CENPE: variants seen among roughly 807,000 people sequenced by gnomAD.
CENPE encodes centromere protein E, also known as centromere-associated protein E.
A neutral mutation model predicts 336.1 loss-of-function variants in CENPE; 145 were observed. The ratio of observed to expected loss-of-function variants is 0.43; its 90% CI spans 0.38 to 0.50. The LOEUF is 0.50. CENPE is among the 20% of genes least tolerant of loss of function. CENPE has a pLI of 0.00. For synonymous variants in CENPE, 1,013 were observed against 984.8 expected (o/e 1.03, Z -0.54); for missense variants, 2,719 against 3,023.3 (o/e 0.90, Z 2.36).
intron 8 of CENPE, among the ~76,000 whole-genome samples, chr4:103,192,416 C>T (rs1297145003): frequency 6.6e-6 from 1 of 152,080 alleles, no homozygotes; most frequent in African/African-American, 2.4e-5. Flanking sequence ...CCAAATCTTG[C>T]CCCAGGAAGT....
At chr4:103,126,561 AAC>A (rs1491198013) in intron 42 of CENPE, among the ~76,000 whole-genome samples, 1 of 152,236 alleles carries the variant, frequency 6.6e-6, no homozygotes, top group Non-Finnish European at 1.5e-5. Context: ...GAGGGCAAAA[AAC>A]ACAGTTTGAA....
intron 14 of CENPE, 38 bp downstream of exon 14, chr4:103,176,861 T>C (rs1348859907): frequency 6.7e-7 from 1 of 1,481,884 alleles, no homozygotes; most frequent in South Asian, 1.3e-5. Flanking sequence ...AGGATGCTTT[T>C]ATAATTAAAC....
At chr4:103,189,191 C>T (rs1238311036) in intron 8 of CENPE, among the ~76,000 whole-genome samples, 2 of 152,110 alleles carry the variant, frequency 1.3e-5, no homozygotes, top group Non-Finnish European at 2.9e-5. Context: ...GATGGATTCA[C>T]AGCCGAATTC....
intron 45 of CENPE, among the ~76,000 whole-genome samples, chr4:103,115,171 T>G (rs1315504603): frequency 6.6e-6 from 1 of 152,048 alleles, no homozygotes; most frequent in Non-Finnish European, 1.5e-5. Context: ...CTTGGTCTTG[T>G]CCCCCAGGCT....
intron 26 of CENPE, among the ~76,000 whole-genome samples, chr4:103,150,905 T>C (rs1010346407): frequency 6.6e-6 from 1 of 152,212 alleles, no homozygotes; most frequent in African/African-American, 2.4e-5. Flanking sequence ...TGTTGACTAA[T>C]ATATCTCAAG....
chr4:103,185,683 TA>T, intron 9 of CENPE, 126 bp downstream of exon 9: 1 of 524,006 alleles, frequency 1.9e-6, no homozygotes, highest in Non-Finnish European at 3.3e-6. Flanking sequence ...AAATCACAAT[TA>T]ATGATTCATT....
chr4:103,159,160 T>C lies in CENPE; in HGVS notation c.2451A>G (p.Gln817=). ...GAAGGGTTTTGAAATTTTGGAATTC[T>C]TGATCAGTGCTTTTATAATTCGACT... ...TTQSNYKSTD[Q]EFQNFKTLHM... is the part of the protein sequence containing the mutation. The change falls in exon 22 of 49, where the codon CAA becomes CAG. Residue 817 remains glutamine (Q), a synonymous_variant. Coordinates refer to ENST00000265148, the MANE Select transcript of CENPE (RefSeq NM_001813.3). 1 of 1,611,308 alleles carries C rather than the reference T, an allele frequency of 6.2e-7. No individual in the cohort carries two copies. Among genetic ancestry groups the C allele is most frequent in the Non-Finnish European group, 8.5e-7 (1 of 1,178,898 alleles).
chr4:103,183,604 TC>T (rs998665397), intron 9 of CENPE, among the ~76,000 whole-genome samples: 1 of 152,196 alleles, frequency 6.6e-6, no homozygotes, highest in Admixed American at 6.5e-5. Context: ...TCAATTTTTT[TC>T]CAACATCTAA....
chr4:103,158,279 C>A, intron 24 of CENPE, 21 bp downstream of exon 24: 1 of 1,572,440 alleles, frequency 6.4e-7, no homozygotes, highest in Non-Finnish European at 8.6e-7. Flanking sequence ...TATGAAAACT[C>A]TGAAAATAAA....
At chr4:103,128,046 G>GATTA (rs1751278006) in intron 42 of CENPE, among the ~76,000 whole-genome samples, 2 of 151,804 alleles carry the variant, frequency 1.3e-5, no homozygotes, top group African/African-American at 4.8e-5. Context: ...TTCAATATAA[G>GATTA]GACACATAGA....
At chr4:103,139,405 C>A (rs1358833028) in intron 38 of CENPE, among the ~76,000 whole-genome samples, 1 of 151,774 alleles carries the variant, frequency 6.6e-6, no homozygotes, top group East Asian at 1.9e-4. Context: ...TTAACTTCAC[C>A]AATAAGAGCC....
intron 8 of CENPE, among the ~76,000 whole-genome samples, chr4:103,190,336 T>A (rs1007027010): frequency 6.6e-6 from 1 of 152,122 alleles, no homozygotes; most frequent in Non-Finnish European, 1.5e-5. Context: ...CATTGCCAAG[T>A]CAATCCTAAG....
intron 45 of CENPE, 135 bp downstream of exon 45, chr4:103,116,442 G>A (rs1750118727): frequency 4.0e-6 from 2 of 503,510 alleles, no homozygotes; most frequent in African/African-American, 2.0e-5. Flanking sequence ...CTATGGATGT[G>A]TACATTTTTA....
chr4:103,174,818 T>C lies in CENPE; in HGVS notation c.1565A>G (p.Glu522Gly). The C allele has an allele frequency of 6.4e-7, 1 of 1,551,032 alleles. No individual in the cohort carries two copies. The change falls in exon 16 of 49, where the codon GAA becomes GGA. Residue 522 changes from glutamate to glycine, a missense_variant. Glu to Gly is a moderately conservative substitution (Grantham distance 98). This residue lies in a region of CENPE where 2,437 missense variants were observed against 2,513.3 expected (regional missense o/e 0.97). Coordinates refer to ENST00000265148, the MANE Select transcript of CENPE (RefSeq NM_001813.3). The part of the protein sequence containing the change: ...LDYEQLRTEK[E>G]EMELKLKEKN... Reference sequence around the variant, plus strand: ...TTCTTTTAATTTCAATTCCATTTCTTCTTTTTCTGTTCGTAGTTGTTCATA... The same window carrying C: ...TTCTTTTAATTTCAATTCCATTTCTCCTTTTTCTGTTCGTAGTTGTTCATA...
intron 41 of CENPE, 91 bp downstream of exon 41, chr4:103,133,604 A>G: frequency 1.2e-6 from 1 of 857,420 alleles, no homozygotes; most frequent in African/African-American, 1.7e-5. Flanking sequence ...ATTTCTGGTA[A>G]ATGAAAATAG....
In CENPE at chr4:103,122,979, G is replaced by A. The variant is rs1042931771; in HGVS notation, c.7035C>T (p.Asn2345=). 6.2e-7 allele frequency: 1 copy of A among 1,613,750 alleles called. No individual in the cohort carries two copies. The highest frequency in any genetic ancestry group is 8.5e-7 in the Non-Finnish European group (1 of 1,179,688). Residue 2345 remains asparagine (N), a synonymous_variant, in exon 43 of 49, where the codon AAC becomes AAT. Coordinates refer to ENST00000265148, the MANE Select transcript of CENPE (RefSeq NM_001813.3). ...LKEKNEKLFK[N]YQTLKTSLAS... ...CCAAGGAAGTCTTCAATGTTTGGTA[G>A]TTTTTAAATAGTTTTTCATTTTTCT...
intron 8 of CENPE, among the ~76,000 whole-genome samples, chr4:103,186,076 G>A (rs1756743065): frequency 2.0e-5 from 3 of 151,926 alleles, no homozygotes; most frequent in Admixed American, 1.3e-4. Context: ...ACCAGTATAG[G>A]TTCTGTTTCC....
At position 103,110,953 on chromosome 4, in the gene CENPE, G is replaced by A. The variant is rs1314340161; in HGVS notation, c.7599C>T (p.Gly2533=). ...PSNKPLTCGG[G]SGIVQNTKAL... ...CTTTTGTGTTTTGTACAATGCCGCT[G>A]CCACCTCCACAAGTTAAGGGTTTAT... The change falls in exon 47 of 49, where the codon GGC becomes GGT. Residue 2533 remains glycine (G), a synonymous_variant. Transcript: ENST00000265148. The A allele has an allele frequency of 6.2e-7, 1 of 1,611,504 alleles. No individual in the cohort carries two copies. The highest frequency in any genetic ancestry group is 1.7e-5 in the Admixed American group (1 of 59,748).
At chr4:103,172,316 A>T (rs1394966652) in intron 16 of CENPE, among the ~76,000 whole-genome samples, 1 of 152,040 alleles carries the variant, frequency 6.6e-6, no homozygotes, top group East Asian at 1.9e-4. Flanking sequence ...AAATCAATAA[A>T]CATGACATAC....
Sources: gnomAD v4.1 joint callset for allele counts (sites outside exome capture counted in the v4.1 genomes callset) on GRCh38, gnomAD v4.1.1 for gene constraint, gnomAD v4.1.1 regional missense constraint, MANE v1.5 for transcripts, NCBI Gene and HGNC (gene_info 2026-07-23, HGNC 2026-07-21) for gene names.